Variants in RMDN2 observed in about 807,000 individuals in gnomAD.
The protein encoded by RMDN2 is regulator of microtubule dynamics 2.
RMDN2 carries 61 observed loss-of-function variants against 52.8 expected under a neutral mutation model. That is an observed-to-expected ratio of 1.16 (90% CI 0.94 to 1.43). The LOEUF (loss-of-function observed/expected upper bound fraction) is 1.43, where lower values mean the gene tolerates loss of function less well. RMDN2 is among the 40% of genes most tolerant of loss of function. The pLI is 0.00. For missense variants in RMDN2, 592 were observed against 475.3 expected, an observed-to-expected ratio of 1.25 and a Z score of -2.28; for synonymous variants, 180 against 153.1, an observed-to-expected ratio of 1.18 and a Z score of -1.30.
chr2:38,011,856 C>T (rs1678041317), intron 10 of RMDN2, among the ~76,000 whole-genome samples: 1 of 152,146 alleles, frequency 6.6e-6, no homozygotes, highest in Non-Finnish European at 1.5e-5. Flanking sequence ...AGGAATGTGC[C>T]CACTTTCCCC....
intron 2 of RMDN2, among the ~76,000 whole-genome samples, chr2:37,961,806 G>T (rs777504920): frequency 2.0e-5 from 3 of 152,132 alleles, no homozygotes; most frequent in Non-Finnish European, 4.4e-5. Flanking sequence ...TTTTGCACTG[G>T]TTTTTCCTCA....
At chr2:37,958,425 C>G (rs111901667) in intron 2 of RMDN2, among the ~76,000 whole-genome samples, 1 of 145,698 alleles carries the variant, frequency 6.9e-6, no homozygotes, top group South Asian at 2.1e-4. Context: ...TGGGAGTTCA[C>G]TCATGATTTA....
chr2:37,944,143 T>C (rs1668026072), intron 2 of RMDN2, among the ~76,000 whole-genome samples: 1 of 152,166 alleles, frequency 6.6e-6, no homozygotes, highest in Non-Finnish European at 1.5e-5. Flanking sequence ...TTCTATTTAG[T>C]GACTTTTTAG....
intron 2 of RMDN2, among the ~76,000 whole-genome samples, chr2:37,963,548 G>A (rs1670575319): frequency 6.6e-6 from 1 of 152,148 alleles, no homozygotes; most frequent in East Asian, 1.9e-4. Context: ...TCAAGCATCT[G>A]TTTAACAAAG....
At chr2:37,928,581 G>A (rs1479343020) in intron 1 of RMDN2, among the ~76,000 whole-genome samples, 1 of 152,120 alleles carries the variant, frequency 6.6e-6, no homozygotes, top group African/African-American at 2.4e-5. Context: ...AAGAGAGCTT[G>A]CATAACCTCC....
At chr2:38,054,532 G>A (rs1681771717) in intron 10 of RMDN2, among the ~76,000 whole-genome samples, 1 of 152,188 alleles carries the variant, frequency 6.6e-6, no homozygotes, top group Non-Finnish European at 1.5e-5. Flanking sequence ...ATTCCAAAAT[G>A]GAGATGCATG....
intron 10 of RMDN2, among the ~76,000 whole-genome samples, chr2:38,065,551 G>A (rs1185834501): frequency 6.6e-6 from 1 of 152,150 alleles, no homozygotes; most frequent in Non-Finnish European, 1.5e-5. Flanking sequence ...CATTCTGTTT[G>A]CAAAGGCAAG....
chr2:37,957,556 A>T (rs1052970818), intron 2 of RMDN2, among the ~76,000 whole-genome samples: 2 of 152,168 alleles, frequency 1.3e-5, no homozygotes, highest in Non-Finnish European at 2.9e-5. Flanking sequence ...CCTTTGTCAG[A>T]TGGATAGATT....
intron 1 of RMDN2, among the ~76,000 whole-genome samples, chr2:37,926,189 T>C (rs1463780370): frequency 6.6e-6 from 1 of 152,246 alleles, no homozygotes; most frequent in African/African-American, 2.4e-5. Flanking sequence ...TTTTATATTT[T>C]TCTCCTCTAA....
intron 10 of RMDN2, chr2:38,035,888 G>A (rs1240922541): frequency 1.3e-5 from 2 of 152,116 alleles, no homozygotes; most frequent in African/African-American, 4.8e-5. Flanking sequence ...TCTGGACACA[G>A]AAACTCTACC....
At chr2:37,977,381 G>A (rs1032724486) in intron 4 of RMDN2, among the ~76,000 whole-genome samples, 15 of 152,158 alleles carry the variant, frequency 9.9e-5, no homozygotes, top group African/African-American at 3.1e-4. Context: ...GGTGGTGGCC[G>A]GGCAGAGGGG....
intron 2 of RMDN2, among the ~76,000 whole-genome samples, chr2:37,947,705 C>T (rs1199652518): frequency 6.6e-6 from 1 of 152,212 alleles, no homozygotes. Flanking sequence ...AATGATACTA[C>T]ACTCAGATCA....
intron 10 of RMDN2, among the ~76,000 whole-genome samples, chr2:38,045,757 C>G (rs1378675459): frequency 3.9e-5 from 6 of 152,210 alleles, no homozygotes; most frequent in African/African-American, 1.4e-4. Context: ...TCTCCCCCAG[C>G]TTAGTTGGTA....
At chr2:38,024,471 C>T (rs1374195) in intron 10 of RMDN2, among the ~76,000 whole-genome samples, 2,836 of 152,256 alleles carry the variant, frequency 0.019, 102 homozygotes, top group African/African-American at 0.064. Flanking sequence ...ATTTTAGCTA[C>T]TGCACTAGGC....
chr2:37,960,581 T>C (rs557058837), intron 2 of RMDN2, among the ~76,000 whole-genome samples: 5 of 152,344 alleles, frequency 3.3e-5, no homozygotes, highest in African/African-American at 9.6e-5. Context: ...CCAATGGGTC[T>C]TGACTCTTTA....
At chr2:38,005,003 C>T (rs560793152) in intron 10 of RMDN2, among the ~76,000 whole-genome samples, 2 of 152,208 alleles carry the variant, frequency 1.3e-5, no homozygotes, top group East Asian at 3.9e-4. Context: ...CCAGCTTCAT[C>T]CATGTCCCTA....
chr2:37,921,864 A>G (rs1666041458), upstream of RMDN2, among the ~76,000 whole-genome samples: 1 of 152,238 alleles, frequency 6.6e-6, no homozygotes, highest in South Asian at 2.1e-4. Context: ...GGAAAATGGA[A>G]TAAGATAATT....
chr2:37,942,848 A>G (rs1173641668), intron 2 of RMDN2, among the ~76,000 whole-genome samples: 1 of 152,262 alleles, frequency 6.6e-6, no homozygotes, highest in Non-Finnish European at 1.5e-5. Flanking sequence ...AAGTCTCACA[A>G]GTAAAACAGA....
intron 10 of RMDN2, among the ~76,000 whole-genome samples, chr2:38,015,265 G>A (rs1484852452): frequency 2.6e-5 from 4 of 152,146 alleles, no homozygotes; most frequent in African/African-American, 9.7e-5. Flanking sequence ...ACAGTACAAC[G>A]ATAGGAATTG....
Sources: allele counts gnomAD v4.1 joint callset (sites outside exome capture counted in the v4.1 genomes callset), GRCh38; gene constraint gnomAD v4.1.1; transcripts MANE v1.5; gene names NCBI Gene and HGNC (gene_info 2026-07-23, HGNC 2026-07-21).